ZNF267: variants seen among roughly 807,000 people sequenced by gnomAD.
ZNF267 encodes the protein zinc finger (C2H2).
In ZNF267, 61 loss-of-function variants were observed where a neutral mutation model predicts 71.6. That is an observed-to-expected ratio of 0.85 (90% CI 0.69 to 1.05). The LOEUF is 1.05. Among genes scored for constraint, ZNF267 ranks in the 50% least tolerant of loss-of-function variants. ZNF267 has a pLI of 0.00. For synonymous variants in ZNF267, 288 were observed against 293.2 expected (o/e 0.98, Z 0.18); for missense variants, 852 against 870.0 (o/e 0.98, Z 0.26).
At chr16:31,909,129 T>C (rs1296801520) in intron 3 of ZNF267, among the ~76,000 whole-genome samples, 4 of 125,340 alleles carry the variant, frequency 3.2e-5, no homozygotes, top group East Asian at 2.2e-4. Context: ...TCTTTTTTTT[T>C]TTTTTTTTTT....
At chr16:31,898,351 G>C (rs1402513297) in intron 3 of ZNF267, among the ~76,000 whole-genome samples, 1 of 152,034 alleles carries the variant, frequency 6.6e-6, no homozygotes, top group Non-Finnish European at 1.5e-5. Flanking sequence ...TATCTAAAGT[G>C]GGTCTTTTAT....
intron 3 of ZNF267, among the ~76,000 whole-genome samples, chr16:31,888,819 C>T (rs1362719398): frequency 6.6e-6 from 1 of 151,626 alleles, no homozygotes; most frequent in Non-Finnish European, 1.5e-5. Flanking sequence ...TGTTGGTGGT[C>T]TCATAAAATG....
At chr16:31,899,955 A>C (rs943117330) in intron 3 of ZNF267, among the ~76,000 whole-genome samples, 6 of 152,100 alleles carry the variant, frequency 3.9e-5, no homozygotes, top group Admixed American at 2.6e-4. Flanking sequence ...TCTAGCTGCC[A>C]GTTGCATTTT....
chr16:31,910,167 T>C (rs777855509), intron 3 of ZNF267, among the ~76,000 whole-genome samples: 3 of 148,182 alleles, frequency 2.0e-5, no homozygotes, highest in Non-Finnish European at 4.4e-5. Context: ...GCTAACACTT[T>C]GTTATTTTTA....
At chr16:31,877,484 A>G (rs557097706) in intron 1 of ZNF267, among the ~76,000 whole-genome samples, 88 of 152,262 alleles carry the variant, frequency 5.8e-4, no homozygotes, top group African/African-American at 2.1e-3. Context: ...GAGATCAGAG[A>G]ATGTTTCACT....
intron 3 of ZNF267, chr16:31,911,821 G>T (rs915698157): frequency 1.3e-5 from 2 of 150,078 alleles, no homozygotes; most frequent in Admixed American, 1.3e-4. Context: ...TGTGTCTGTT[G>T]TATGTTTTTT....
intron 3 of ZNF267, among the ~76,000 whole-genome samples, chr16:31,898,203 T>C (rs752683092): frequency 1.7e-4 from 26 of 152,022 alleles, no homozygotes; most frequent in Non-Finnish European, 3.2e-4. Context: ...CAGTGGACAC[T>C]ATTATTATTA....
At chr16:31,894,751 T>C in intron 3 of ZNF267, 2 of 492,216 alleles carry the variant, frequency 4.1e-6, no homozygotes, top group South Asian at 3.2e-5. Context: ...GGTGTTCCTT[T>C]CTGCTTTCAT....
intron 3 of ZNF267, among the ~76,000 whole-genome samples, chr16:31,887,071 T>G (rs1483759928): frequency 6.6e-6 from 1 of 152,186 alleles, no homozygotes. Context: ...GAATATTTAT[T>G]TATTGACTCT....
chr16:31,891,032 T>C (rs936193279), intron 3 of ZNF267, among the ~76,000 whole-genome samples: 17 of 152,276 alleles, frequency 1.1e-4, no homozygotes, highest in Admixed American at 6.5e-4. Context: ...TTTCTCATGC[T>C]GTCTTCTGTT....
At chr16:31,889,166 CT>C (rs34805719) in intron 3 of ZNF267, among the ~76,000 whole-genome samples, 22 of 142,658 alleles carry the variant, frequency 1.5e-4, no homozygotes, top group Admixed American at 6.2e-4. Flanking sequence ...AGTCCTCTCT[CT>C]TTTTTTTTCC....
At chr16:31,893,830 A>C (rs775304249) in intron 3 of ZNF267, among the ~76,000 whole-genome samples, 7 of 152,170 alleles carry the variant, frequency 4.6e-5, no homozygotes, top group Non-Finnish European at 8.8e-5. Flanking sequence ...TGTGGGCAGG[A>C]CTTTTTTTCC....
In ZNF267 at chr16:31,915,971, A is replaced by G; in HGVS notation, c.1722A>G (p.Lys574=). ...IRHHRIHTGE[K]PYKCKACSKS... is the part of the protein sequence containing the mutation. The stretch of plus-strand genomic sequence containing the variant: ...ATCATCGAATTCATACTGGAGAAAA[A>G]CCATACAAATGTAAAGCATGTAGCA... Residue 574 remains lysine (K), a synonymous_variant, in exon 4 of 4, where the codon AAA becomes AAG. Coordinates refer to ENST00000300870, the MANE Select transcript of ZNF267 (RefSeq NM_003414.6). The G allele has an allele frequency of 6.2e-7, 1 of 1,612,556 alleles. No homozygotes were observed. The highest frequency in any genetic ancestry group is 1.1e-5 in the South Asian group (1 of 91,064).
chr16:31,898,657 T>A (rs2084017208), intron 3 of ZNF267, among the ~76,000 whole-genome samples: 1 of 152,142 alleles, frequency 6.6e-6, no homozygotes, highest in Non-Finnish European at 1.5e-5. Context: ...TTAAAATTAT[T>A]AACAATTTGT....
chr16:31,915,767 C>T lies in ZNF267; in HGVS notation c.1518C>T (p.Cys506=), dbSNP rs1408720307. 2 of 1,612,964 alleles carry T rather than the reference C, an allele frequency of 1.2e-6. No homozygotes were observed. The highest frequency in any genetic ancestry group is 1.7e-5 in the Admixed American group (1 of 59,980). The change falls in exon 4 of 4, where the codon TGC becomes TGT. Residue 506 remains cysteine (C), a synonymous_variant. Coordinates refer to ENST00000300870, the MANE Select transcript of ZNF267 (RefSeq NM_003414.6). ...ECGKVFSRSS[C]LTQHRKIHTG... ...GCAAAGTCTTTAGCCGTAGTTCTTG[C>T]CTTACTCAACATCGGAAAATTCATA...
chr16:31,896,415 A>G (rs1049785517), intron 3 of ZNF267, among the ~76,000 whole-genome samples: 4 of 152,208 alleles, frequency 2.6e-5, no homozygotes, highest in East Asian at 3.8e-4. Context: ...GTTTGGGCTG[A>G]TTACACTTAA....
At chr16:31,899,974 C>T (rs1474590478) in intron 3 of ZNF267, among the ~76,000 whole-genome samples, 1 of 151,330 alleles carries the variant, frequency 6.6e-6, no homozygotes, top group Admixed American at 6.6e-5. Context: ...TTAATTGAAC[C>T]CTTGGTGTCA....
chr16:31,883,244 A>G (rs2083901894), intron 1 of ZNF267, among the ~76,000 whole-genome samples: 1 of 152,234 alleles, frequency 6.6e-6, no homozygotes, highest in Non-Finnish European at 1.5e-5. Flanking sequence ...CTCAGAAACA[A>G]GAGCCTTTAC....
At position 31,914,305 on chromosome 16, in the gene ZNF267, G is replaced by T. The variant is rs776062805; in HGVS notation, c.227-171G>T. The T allele has an allele frequency of 8.3e-5, 49 of 590,640 alleles. No individual in the cohort carries two copies. In the African/African-American group the frequency reaches 8.4e-4, roughly 10 times the overall value. The allele number at this position is 590,640 out of a possible 1,614,324, so 36.6% of individuals were successfully genotyped here. ...CACTGTTGGTGTCTTAGTAGTTCAC[G>T]TGCCACTTTATTGTAGTAAAGTTTG... is the stretch of plus-strand genomic sequence containing the variant. On this transcript the variant is annotated intron_variant, in intron 3 of 3. Coordinates refer to ENST00000300870, the MANE Select transcript of ZNF267 (RefSeq NM_003414.6).
Sources: gnomAD v4.1 joint callset for allele counts (sites outside exome capture counted in the v4.1 genomes callset) on GRCh38, gnomAD v4.1.1 for gene constraint, MANE v1.5 for transcripts, NCBI Gene and HGNC (gene_info 2026-07-23, HGNC 2026-07-21) for gene names.